Variants in PLCXD3 observed in about 807,000 individuals in gnomAD.
PLCXD3 encodes phosphatidylinositol specific phospholipase C X domain containing 3.
Under a neutral mutation model 25.5 loss-of-function variants are expected in PLCXD3, and 19 were observed. That is an observed-to-expected ratio of 0.75 (90% CI 0.52 to 1.09). The LOEUF is 1.09. Among genes scored for constraint, PLCXD3 ranks in the 50% least tolerant of loss-of-function variants. The pLI is 0.00. For missense variants in PLCXD3, 411 were observed against 388.1 expected, an observed-to-expected ratio of 1.06 and a Z score of -0.50; for synonymous variants, 174 against 137.6, an observed-to-expected ratio of 1.26 and a Z score of -1.85.
In PLCXD3 at chr5:41,308,037, G is replaced by A. The variant is rs1561226058; in HGVS notation, c.*5580C>T. The A allele has an allele frequency of 6.6e-6, 1 of 152,122 alleles. No homozygotes were observed. Among genetic ancestry groups the A allele is most frequent in the Non-Finnish European group, 1.5e-5 (1 of 68,020 alleles). The allele number at this position is 152,122 out of a possible 1,614,324, so 9.4% of individuals were successfully genotyped here. A position where few individuals can be genotyped will look rare whatever the true frequency, so the allele number is the denominator to read the frequency against. On this transcript the variant is annotated 3_prime_UTR_variant, in exon 3 of 3. Coordinates refer to ENST00000377801, the MANE Select transcript of PLCXD3 (RefSeq NM_001005473.3). The stretch of plus-strand genomic sequence containing the variant: ...AGATATTTACTTGATTATCCCATCT[G>A]TATTTGAGTTCGTCCTTCAAAAAGC...
At chr5:41,397,583 C>G (rs1403673194) in intron 1 of PLCXD3, among the ~76,000 whole-genome samples, 1 of 152,108 alleles carries the variant, frequency 6.6e-6, no homozygotes, top group Non-Finnish European at 1.5e-5. Context: ...ACACAGAGTC[C>G]CCACTGGGGC....
Position 41,454,585 on chromosome 5 carries a change from G to C in PLCXD3, c.103+55839C>G, listed in dbSNP as rs141053982. On this transcript the variant is annotated intron_variant, in intron 1 of 2. Coordinates refer to ENST00000377801, the MANE Select transcript of PLCXD3 (RefSeq NM_001005473.3). ...GTGATGAGTTTTAACGTGAACTTTT[G>C]GGGGGATGCAAACATTCGGACCATG... Among the ~76,000 whole-genome samples, 56 of 151,970 alleles carry C rather than the reference G, an allele frequency of 3.7e-4. No individual in the cohort carries two copies. The East Asian group carries it at 0.011, about 29-fold the overall frequency.
chr5:41,325,087 G>A (rs534286536), intron 2 of PLCXD3, among the ~76,000 whole-genome samples: 1 of 152,206 alleles, frequency 6.6e-6, no homozygotes, highest in Non-Finnish European at 1.5e-5. Context: ...TCCCCACGGA[G>A]AGGTTAGGAG....
intron 1 of PLCXD3, among the ~76,000 whole-genome samples, chr5:41,505,139 T>G (rs1056905110): frequency 1.3e-5 from 2 of 152,204 alleles, no homozygotes; most frequent in African/African-American, 4.8e-5. Context: ...ATAATAAATT[T>G]TTACACGAGT....
At position 41,309,840 on chromosome 5, in the gene PLCXD3, G is replaced by GT; in HGVS notation, c.*3776dup. 1 of 152,142 alleles carries GT rather than the reference G, an allele frequency of 6.6e-6. No individual in the cohort carries two copies. The highest frequency in any genetic ancestry group is 1.9e-4 in the East Asian group (1 of 5,180). 9.4% of individuals were successfully genotyped at this position (152,142 alleles called of 1,614,324 possible). On this transcript the variant is annotated 3_prime_UTR_variant, in exon 3 of 3. Transcript: ENST00000377801. ...TTTCTGATGGCCTCACTTTTCATTG[G>GT]TTTTCTAGTTACTTTTCTCCTCTTA...
intron 1 of PLCXD3, among the ~76,000 whole-genome samples, chr5:41,479,331 G>A (rs1312034047): frequency 6.6e-6 from 1 of 152,108 alleles, no homozygotes; most frequent in Non-Finnish European, 1.5e-5. Flanking sequence ...GTCTAGGAGA[G>A]GGAAGAATGA....
At chr5:41,460,569 C>T (rs1157942041) in intron 1 of PLCXD3, among the ~76,000 whole-genome samples, 1 of 151,928 alleles carries the variant, frequency 6.6e-6, no homozygotes. Flanking sequence ...TGTATGACAT[C>T]TACTTTTGTG....
Position 41,454,369 on chromosome 5 carries a change from A to C in PLCXD3, c.103+56055T>G, listed in dbSNP as rs1747704849. Among the ~76,000 whole-genome samples, 8 of 151,990 alleles carry C rather than the reference A, an allele frequency of 5.3e-5. No homozygotes were observed. In the South Asian group the frequency reaches 1.7e-3, roughly 31 times the overall value. ...GGTTGCCTAAGATCTAAGTGCTGGC[A>C]GATTTGGTATTTGGTGAGGGCCTAC... On this transcript the variant is annotated intron_variant, in intron 1 of 2. Coordinates refer to ENST00000377801, the MANE Select transcript of PLCXD3 (RefSeq NM_001005473.3).
At chr5:41,446,628 A>G (rs908358578) in intron 1 of PLCXD3, among the ~76,000 whole-genome samples, 1 of 152,068 alleles carries the variant, frequency 6.6e-6, no homozygotes, top group African/African-American at 2.4e-5. Flanking sequence ...GAGACAAGGA[A>G]CTGATACTCA....
At position 41,475,559 on chromosome 5, in the gene PLCXD3, C is replaced by T. The variant is rs189078681; in HGVS notation, c.103+34865G>A. ...TTATCTCTACTTATTTCTATTTATCCCTACTTATCTCTGTTTATCCCTGTA... is the reference window on the plus strand; with the variant it reads ...TTATCTCTACTTATTTCTATTTATCTCTACTTATCTCTGTTTATCCCTGTA... On this transcript the variant is annotated intron_variant, in intron 1 of 2. Transcript: ENST00000377801. 6.2e-4 allele frequency: 322 copies of T among 518,762 alleles called. 3 individuals are homozygous for T. The East Asian group carries it at 0.012, about 20-fold the overall frequency. 32.1% of individuals were successfully genotyped at this position (518,762 alleles called of 1,614,324 possible).
chr5:41,352,209 C>T (rs1744482423), intron 2 of PLCXD3, among the ~76,000 whole-genome samples: 1 of 152,194 alleles, frequency 6.6e-6, no homozygotes, highest in African/African-American at 2.4e-5. Flanking sequence ...GTCACTTCAT[C>T]CGGCCCTCCC....
intron 1 of PLCXD3, among the ~76,000 whole-genome samples, chr5:41,388,535 G>T (rs1181287990): frequency 6.6e-6 from 1 of 151,998 alleles, no homozygotes; most frequent in Non-Finnish European, 1.5e-5. Context: ...GCAGTTTGCT[G>T]TAATATACTG....
intron 1 of PLCXD3, among the ~76,000 whole-genome samples, chr5:41,386,281 CT>C (rs1462230069): frequency 6.6e-6 from 1 of 152,064 alleles, no homozygotes; most frequent in South Asian, 2.1e-4. Flanking sequence ...CACAAATGGA[CT>C]TTCTTTTTTC....
chr5:41,335,790 C>G (rs1743961745), intron 2 of PLCXD3, among the ~76,000 whole-genome samples: 1 of 152,034 alleles, frequency 6.6e-6, no homozygotes, highest in African/African-American at 2.4e-5. Context: ...GGGACTAGTT[C>G]CAGAATTACT....
chr5:41,488,873 G>A (rs1458850604), intron 1 of PLCXD3, among the ~76,000 whole-genome samples: 1 of 150,544 alleles, frequency 6.6e-6, no homozygotes, highest in Non-Finnish European at 1.5e-5. Flanking sequence ...CTCCCATTTT[G>A]TAGGTTGCCT....
intron 1 of PLCXD3, among the ~76,000 whole-genome samples, chr5:41,396,354 G>C (rs569345439): frequency 6.6e-6 from 1 of 152,064 alleles, no homozygotes; most frequent in East Asian, 1.9e-4. Context: ...GCTCCACCAT[G>C]GTAAGACATG....
intron 1 of PLCXD3, among the ~76,000 whole-genome samples, chr5:41,487,133 A>G (rs954286472): frequency 6.6e-6 from 1 of 152,244 alleles, no homozygotes; most frequent in Non-Finnish European, 1.5e-5. Context: ...GAAATAAGAA[A>G]TGTGATTGCA....
intron 2 of PLCXD3, among the ~76,000 whole-genome samples, chr5:41,337,172 A>C (rs1488523014): frequency 6.6e-6 from 1 of 152,166 alleles, no homozygotes; most frequent in Non-Finnish European, 1.5e-5. Flanking sequence ...TGTACCGTAC[A>C]TACCCACGTG....
intron 1 of PLCXD3, among the ~76,000 whole-genome samples, chr5:41,457,745 A>C (rs1040863040): frequency 1.3e-5 from 2 of 151,914 alleles, no homozygotes; most frequent in Non-Finnish European, 1.5e-5. Flanking sequence ...GATGAGGTAC[A>C]TGAAAACTCA....
Sources: gnomAD v4.1 joint callset for allele counts (sites outside exome capture counted in the v4.1 genomes callset) on GRCh38, gnomAD v4.1.1 for gene constraint, MANE v1.5 for transcripts, NCBI Gene and HGNC (gene_info 2026-07-23, HGNC 2026-07-21) for gene names.